CDH11: variants seen among roughly 807,000 people sequenced by gnomAD.
CDH11 encodes the protein cadherin-11.
CDH11 carries 11 observed loss-of-function variants against 67.8 expected under a neutral mutation model. That is an observed-to-expected ratio of 0.16 (90% CI 0.10 to 0.27). The LOEUF is 0.27. CDH11 is among the 10% of genes least tolerant of loss of function. The pLI is 1.00. For synonymous variants in CDH11, 419 were observed against 400.0 expected (o/e 1.05, Z -0.57); for missense variants, 847 against 1,031.2 (o/e 0.82, Z 2.45).
At chr16:64,971,437 C>G in intron 11 of CDH11, 142 bp downstream of exon 11, 1 of 591,022 alleles carries the variant, frequency 1.7e-6, no homozygotes, top group Non-Finnish European at 3.0e-6. Flanking sequence ...TGTTTCAGAA[C>G]AGAGGTGGCA....
chr16:65,037,703 C>T (rs1340597021), intron 2 of CDH11, among the ~76,000 whole-genome samples: 1 of 152,140 alleles, frequency 6.6e-6, no homozygotes, highest in South Asian at 2.1e-4. Flanking sequence ...ATCCCAGCAA[C>T]AGGGACTCAG....
At chr16:65,123,222 G>T (rs1017793332), upstream of CDH11, among the ~76,000 whole-genome samples, 1 of 152,114 alleles carries the variant, frequency 6.6e-6, no homozygotes, top group Non-Finnish European at 1.5e-5. Flanking sequence ...GGGACCCCTG[G>T]CTTGAACAAG....
chr16:64,994,067 G>C (rs574985240), intron 4 of CDH11, among the ~76,000 whole-genome samples: 1 of 152,256 alleles, frequency 6.6e-6, no homozygotes, highest in African/African-American at 2.4e-5. Flanking sequence ...TCAGCAGAGG[G>C]GCAAGGTTCT....
intron 1 of CDH11, among the ~76,000 whole-genome samples, chr16:65,063,454 G>T (rs1258924690): frequency 6.6e-6 from 1 of 152,168 alleles, no homozygotes; most frequent in African/African-American, 2.4e-5. Flanking sequence ...GGCCCTGTTT[G>T]TCTGCAAATC....
chr16:64,947,722 G>C lies in CDH11; in HGVS notation c.2272C>G (p.Leu758Val). The C allele has an allele frequency of 6.2e-7, 1 of 1,614,080 alleles. No homozygotes were observed. Among genetic ancestry groups the C allele is most frequent in the Non-Finnish European group, 8.5e-7 (1 of 1,179,952 alleles). The change falls in exon 13 of 13, where the codon CTA becomes GTA. Residue 758 changes from leucine (L) to valine (V), a missense_variant. Leu to Val is a conservative substitution (Grantham distance 32). Around this residue, in one of 2 missense-constraint regions of CDH11, gnomAD observed 612 missense variants for 678.7 expected, o/e 0.90. Coordinates refer to ENST00000268603, the MANE Select transcript of CDH11 (RefSeq NM_001797.4). ...RGSVAGSLSS[L>V]ESATTDSDLD... The stretch of plus-strand genomic sequence containing the variant: ...TCTGAATCTGTGGTGGCCGACTCTA[G>C]GGAGCTCAGGGACCCGGCCACTGAG...
chr16:64,948,902 A>T, intron 12 of CDH11: 2 of 734,404 alleles, frequency 2.7e-6, no homozygotes, highest in South Asian at 4.0e-5. Flanking sequence ...AGGCTCTCCC[A>T]TACACCCAGC....
At chr16:65,016,806 C>T (rs1463898511) in intron 2 of CDH11, among the ~76,000 whole-genome samples, 4 of 152,150 alleles carry the variant, frequency 2.6e-5, no homozygotes, top group Admixed American at 2.0e-4. Context: ...GCAGCATGGG[C>T]TGCTTGACTA....
At chr16:65,064,968 C>T (rs574926648) in intron 1 of CDH11, among the ~76,000 whole-genome samples, 1 of 152,246 alleles carries the variant, frequency 6.6e-6, no homozygotes, top group South Asian at 2.1e-4. Context: ...GGGTGAGGAG[C>T]GGTGCCTACA....
At chr16:65,012,737 A>T (rs2073208975) in intron 2 of CDH11, among the ~76,000 whole-genome samples, 1 of 152,188 alleles carries the variant, frequency 6.6e-6, no homozygotes, top group Admixed American at 6.5e-5. Flanking sequence ...TCCTGTATGT[A>T]AACTCACTTG....
chr16:64,954,022 G>A (rs760008338), intron 11 of CDH11, among the ~76,000 whole-genome samples: 10 of 152,154 alleles, frequency 6.6e-5, no homozygotes, highest in Admixed American at 2.0e-4. Flanking sequence ...TGCCATCCAG[G>A]CAGACCTGCA....
chr16:65,119,913 G>T (rs900047753), intron 1 of CDH11, among the ~76,000 whole-genome samples: 1 of 152,134 alleles, frequency 6.6e-6, no homozygotes, highest in Non-Finnish European at 1.5e-5. Flanking sequence ...TTTTGTACTA[G>T]GCTGGATTTC....
intron 2 of CDH11, among the ~76,000 whole-genome samples, chr16:65,007,343 C>T (rs541064833): frequency 6.6e-6 from 1 of 152,186 alleles, no homozygotes; most frequent in South Asian, 2.1e-4. Flanking sequence ...ACTTGAAACT[C>T]TTAATATTGG....
At chr16:65,032,884 A>G (rs2073672955) in intron 2 of CDH11, among the ~76,000 whole-genome samples, 1 of 152,200 alleles carries the variant, frequency 6.6e-6, no homozygotes, top group East Asian at 1.9e-4. Flanking sequence ...ATCCTGATTA[A>G]CGTTTCAATA....
At chr16:64,995,378 C>T (rs778333691) in intron 4 of CDH11, among the ~76,000 whole-genome samples, 9 of 152,262 alleles carry the variant, frequency 5.9e-5, no homozygotes, top group Middle Eastern at 3.4e-3. Flanking sequence ...TAGCATGTTG[C>T]TGGTGCAAAA....
At chr16:65,053,733 C>A in intron 2 of CDH11, 71 bp downstream of exon 2, 1 of 443,504 alleles carries the variant, frequency 2.3e-6, no homozygotes, top group South Asian at 1.6e-5. Flanking sequence ...AGACACAGAC[C>A]CAGTGGCATA....
At chr16:64,953,747 A>G (rs1459672573) in intron 11 of CDH11, among the ~76,000 whole-genome samples, 2 of 152,176 alleles carry the variant, frequency 1.3e-5, no homozygotes, top group Admixed American at 6.5e-5. Flanking sequence ...ACTCTCACAA[A>G]TTGAAAGTTA....
chr16:65,036,377 A>G (rs2073754950), intron 2 of CDH11, among the ~76,000 whole-genome samples: 1 of 152,090 alleles, frequency 6.6e-6, no homozygotes, highest in Non-Finnish European at 1.5e-5. Context: ...TCTAGAGGCA[A>G]TGGATCTGGT....
At chr16:65,122,148 G>GGGGGGGGGGGGC, upstream of CDH11, 1 of 323,844 alleles carries the variant, frequency 3.1e-6, no homozygotes, top group Non-Finnish European at 5.9e-6. Flanking sequence ...GGGGGGGCGG[G>GGGGGGGGGGGGC]AGGAGGGAGG....
Position 65,121,369 on chromosome 16 carries a change from G to A in CDH11, c.-298+511C>T, listed in dbSNP as rs1051799146. Among the ~76,000 whole-genome samples the A allele has an allele frequency of 3.9e-5, 6 of 152,192 alleles. No homozygotes were observed. Among genetic ancestry groups the A allele is most frequent in the Non-Finnish European group, 8.8e-5 (6 of 68,018 alleles). ...CTTACCCGGCAGTCTCGACTGCAGG[G>A]ACTAAGCCCCGGGGAGCTTTCGGCA... is the stretch of plus-strand genomic sequence containing the variant. On this transcript the variant is annotated intron_variant, in intron 1 of 12. Coordinates refer to ENST00000268603, the MANE Select transcript of CDH11 (RefSeq NM_001797.4). This position sits in a 1 kb window ranked among gnomAD's most constrained non-coding sequence, Gnocchi z 4.1.
Sources: gnomAD v4.1 joint callset for allele counts (sites outside exome capture counted in the v4.1 genomes callset) on GRCh38, gnomAD v4.1.1 for gene constraint, gnomAD v4.1.1 regional missense constraint, Gnocchi (gnomAD v3.1) non-coding constraint, MANE v1.5 for transcripts, NCBI Gene and HGNC (gene_info 2026-07-23, HGNC 2026-07-21) for gene names.